Variants in SLCO1A2 observed in about 807,000 individuals in gnomAD.
SLCO1A2 encodes solute carrier organic anion transporter family member 1A2.
In SLCO1A2, 67 loss-of-function variants were observed where a neutral mutation model predicts 69.0. The observed-to-expected ratio is 0.97, with a 90% CI of 0.80 to 1.19. The LOEUF (loss-of-function observed/expected upper bound fraction) is 1.19, where lower values mean the gene tolerates loss of function less well. Among genes scored for constraint, SLCO1A2 ranks in the 50% most tolerant of loss-of-function variants. The pLI is 0.00. For synonymous variants in SLCO1A2, 260 were observed against 265.9 expected, an observed-to-expected ratio of 0.98 and a Z score of 0.22; for missense variants, 787 against 793.7, an observed-to-expected ratio of 0.99 and a Z score of 0.10.
chr12:21,280,464 A>C (rs1944583862), intron 12 of SLCO1A2, among the ~76,000 whole-genome samples: 1 of 152,144 alleles, frequency 6.6e-6, no homozygotes, highest in African/African-American at 2.4e-5. Flanking sequence ...TTAAGAAAAA[A>C]ACTGTAAGAA....
chr12:21,403,711 C>CTTTTTT (rs71043273), intron 1 of SLCO1A2: 13 of 84,286 alleles, frequency 1.5e-4, no homozygotes, highest in African/African-American at 1.4e-4. Flanking sequence ...CTCCTCCTTG[C>CTTTTTT]TTTTTTTTTT....
At chr12:21,306,305 G>A (rs1029871557) in intron 5 of SLCO1A2, among the ~76,000 whole-genome samples, 7 of 151,872 alleles carry the variant, frequency 4.6e-5, no homozygotes, top group African/African-American at 1.7e-4. Context: ...GAACTTAACA[G>A]TGGTCCTTGG....
At chr12:21,296,349 T>A (rs1331104470) in intron 9 of SLCO1A2, among the ~76,000 whole-genome samples, 1 of 152,082 alleles carries the variant, frequency 6.6e-6, no homozygotes, top group Non-Finnish European at 1.5e-5. Context: ...TAAGAGATGC[T>A]CCCACCTCAG....
At chr12:21,401,172 T>C in intron 1 of SLCO1A2, among the ~76,000 whole-genome samples, 1 of 151,648 alleles carries the variant, frequency 6.6e-6, no homozygotes, top group Non-Finnish European at 1.5e-5. Context: ...TACAGTAAAT[T>C]AAAAACAAAA....
intron 1 of SLCO1A2, among the ~76,000 whole-genome samples, chr12:21,402,258 T>G (rs1029967512): frequency 6.6e-6 from 1 of 151,776 alleles, no homozygotes; most frequent in Non-Finnish European, 1.5e-5. Context: ...GAGAACATGT[T>G]TGAAACGTAT....
chr12:21,321,272 C>T (rs1335372000), intron 2 of SLCO1A2, among the ~76,000 whole-genome samples: 1 of 152,156 alleles, frequency 6.6e-6, no homozygotes, highest in Non-Finnish European at 1.5e-5. Context: ...GTACTCCCTA[C>T]CCTTTTGCTA....
At position 21,302,249 on chromosome 12, in the gene SLCO1A2, T is replaced by C. The variant is rs192443239; in HGVS notation, c.590-980A>G. Among the ~76,000 whole-genome samples the C allele has an allele frequency of 2.6e-5, 4 of 152,310 alleles. No individual in the cohort carries two copies. The East Asian group carries it at 7.7e-4, about 29-fold the overall frequency. On this transcript the variant is annotated intron_variant, in intron 6 of 14. Coordinates refer to ENST00000683939, the MANE Select transcript of SLCO1A2 (RefSeq NM_001386879.1). ...ACATTCTCCTCCAAATACTCTCAGG[T>C]AGCCCCAGTGATCTCTTTGTCACTA...
At chr12:21,331,664 C>A (rs1240706788) in intron 2 of SLCO1A2, among the ~76,000 whole-genome samples, 2 of 151,764 alleles carry the variant, frequency 1.3e-5, no homozygotes, top group Admixed American at 1.3e-4. Flanking sequence ...AGGAATGAGA[C>A]CCTGGCTCAA....
chr12:21,370,166 C>CTTAA (rs1307962425), intron 2 of SLCO1A2, among the ~76,000 whole-genome samples: 1 of 152,002 alleles, frequency 6.6e-6, no homozygotes, highest in African/African-American at 2.4e-5. Flanking sequence ...GCTCTGTAAC[C>CTTAA]TTAAGCAAGT....
chr12:21,307,905 T>C (rs1019793848), intron 4 of SLCO1A2, among the ~76,000 whole-genome samples: 6 of 152,162 alleles, frequency 3.9e-5, no homozygotes, highest in South Asian at 4.1e-4. Flanking sequence ...CAATTGCTCA[T>C]TGATGCCCAA....
At chr12:21,388,052 G>C (rs1362528870) in intron 1 of SLCO1A2, among the ~76,000 whole-genome samples, 2 of 152,124 alleles carry the variant, frequency 1.3e-5, no homozygotes, top group African/African-American at 4.8e-5. Context: ...CTTTGTTTTG[G>C]CCAATTTCTC....
intron 2 of SLCO1A2, among the ~76,000 whole-genome samples, chr12:21,354,402 A>T (rs959742370): frequency 1.3e-5 from 2 of 152,156 alleles, no homozygotes; most frequent in Admixed American, 1.3e-4. Context: ...AAACTTCTTA[A>T]ATTAGGTGAC....
chr12:21,366,912 G>C (rs1286764667), intron 2 of SLCO1A2, among the ~76,000 whole-genome samples: 2 of 151,982 alleles, frequency 1.3e-5, no homozygotes. Context: ...GAGGAAAGCA[G>C]AGAAAATGGA....
At chr12:21,382,840 A>C (rs1051162327) in intron 1 of SLCO1A2, among the ~76,000 whole-genome samples, 5 of 152,056 alleles carry the variant, frequency 3.3e-5, no homozygotes, top group African/African-American at 1.2e-4. Context: ...AGAAAGAAAG[A>C]AAATGAGCTG....
At position 21,347,516 on chromosome 12, in the gene SLCO1A2, C is replaced by T. The variant is rs890812190; in HGVS notation, c.-62-12807G>A. 6.6e-5 allele frequency among the ~76,000 whole-genome samples: 10 copies of T among 152,100 alleles called. No individual in the cohort carries two copies. In the Middle Eastern group the frequency reaches 0.024, roughly 362 times the overall value. The stretch of plus-strand genomic sequence containing the variant: ...CAAAAATTAGCCAGGCATGGTGGCG[C>T]ACGTCTGTAATCCCAGCTACTCAGA... On this transcript the variant is annotated intron_variant, in intron 2 of 15. Transcript: ENST00000307378.
At chr12:21,312,686 C>G (rs1950368345) in intron 4 of SLCO1A2, among the ~76,000 whole-genome samples, 2 of 152,036 alleles carry the variant, frequency 1.3e-5, no homozygotes, top group Non-Finnish European at 1.5e-5. Flanking sequence ...ATTTTTGTAT[C>G]TAGGGGAATA....
At chr12:21,395,663 C>T (rs976823023), upstream of SLCO1A2, among the ~76,000 whole-genome samples, 5 of 152,224 alleles carry the variant, frequency 3.3e-5, no homozygotes, top group African/African-American at 7.2e-5. Context: ...TCCCAGCACG[C>T]AGCTGGACAT....
chr12:21,373,681 C>T (rs1174029637), intron 2 of SLCO1A2: 1 of 701,508 alleles, frequency 1.4e-6, no homozygotes, highest in South Asian at 1.5e-5. Context: ...GAAATATACT[C>T]TTGGAACTTA....
At chr12:21,413,220 C>CT (rs1941936571) in intron 1 of SLCO1A2, among the ~76,000 whole-genome samples, 1 of 118,800 alleles carries the variant, frequency 8.4e-6, no homozygotes, top group Admixed American at 8.7e-5. Flanking sequence ...ATACTTTCTT[C>CT]TTTTCTTTTT....
Sources: gnomAD v4.1 joint callset for allele counts (sites outside exome capture counted in the v4.1 genomes callset) on GRCh38, gnomAD v4.1.1 for gene constraint, MANE v1.5 for transcripts, NCBI Gene and HGNC (gene_info 2026-07-23, HGNC 2026-07-21) for gene names.